The following RGS14 variants were observed in gnomAD, a reference collection of about 807,000 sequenced individuals.
The protein encoded by RGS14 is regulator of G-protein signaling 14.
RGS14 carries 33 observed loss-of-function variants against 63.8 expected under a neutral mutation model. The observed-to-expected ratio is 0.52, with a 90% CI of 0.39 to 0.69. The LOEUF (loss-of-function observed/expected upper bound fraction) is 0.69. Among genes scored for constraint, RGS14 ranks in the 30% least tolerant of loss-of-function variants. The pLI is 0.00. For missense variants in RGS14, 739 were observed against 742.9 expected (o/e 0.99, Z 0.06); for synonymous variants, 296 against 320.9 (o/e 0.92, Z 0.83).
intron 1 of RGS14, among the ~76,000 whole-genome samples, chr5:177,361,789 A>G (rs1761970978): frequency 6.6e-6 from 1 of 152,244 alleles, no homozygotes; most frequent in East Asian, 1.9e-4. Context: ...CCAAATTCCT[A>G]AGAAAAAAAT....
At chr5:177,363,005 A>G (rs1189465498) in intron 1 of RGS14, among the ~76,000 whole-genome samples, 1 of 151,822 alleles carries the variant, frequency 6.6e-6, no homozygotes, top group African/African-American at 2.4e-5. Flanking sequence ...CAAGCAGCCC[A>G]GCGGAGGGGG....
Position 177,371,038 on chromosome 5 carries a change from T to G in RGS14, c.1254+7T>G, listed in dbSNP as rs1762231770. ...AGAGGTGGTGCTGCACCGGGTGAGC[T>G]TCCGGGCCGCGGGGCGGGGCGGGGC... On this transcript the variant is annotated splice_region_variant and intron_variant, in intron 11 of 14. Coordinates refer to ENST00000408923, the MANE Select transcript of RGS14 (RefSeq NM_006480.5). The surrounding 1 kb of genome is among the most constrained non-coding windows in gnomAD (Gnocchi z 6.1). The G allele has an allele frequency of 2.8e-6, 4 of 1,446,708 alleles. No individual in the cohort carries two copies. Among genetic ancestry groups the G allele is most frequent in the African/African-American group, 4.2e-5 (2 of 47,508 alleles). The allele number at this position is 1,446,708 out of a possible 1,614,324, so 89.6% of individuals were successfully genotyped here. A position where few individuals can be genotyped will look rare whatever the true frequency, so the allele number is the denominator to read the frequency against.
intron 9 of RGS14, 26 bp downstream of exon 9, chr5:177,368,946 C>G (rs1465463338): frequency 2.5e-6 from 4 of 1,604,334 alleles, no homozygotes; most frequent in Non-Finnish European, 2.6e-6. Context: ...GGCTCCAACT[C>G]TAACCTCCTT....
In RGS14 at chr5:177,367,882, G is replaced by C; in HGVS notation, c.739+57G>C. Reference sequence around the variant, plus strand: ...GGAAGGCGGGAGTTTGGTTAAATTTGGGGAGTGCCCCCTTCCTCCTACGTG... The same window carrying C: ...GGAAGGCGGGAGTTTGGTTAAATTTCGGGAGTGCCCCCTTCCTCCTACGTG... On this transcript the variant is annotated intron_variant, in intron 7 of 14. Transcript: ENST00000408923. 3 of 1,488,642 alleles carry C rather than the reference G, an allele frequency of 2.0e-6. No individual in the cohort carries two copies. The South Asian group carries it at 4.1e-5, about 20-fold the overall frequency. The allele number at this position is 1,488,642 out of a possible 1,614,324, so 92.2% of individuals were successfully genotyped here. A position where few individuals can be genotyped will look rare whatever the true frequency, so the allele number is the denominator to read the frequency against.
chr5:177,366,789 G>A lies in RGS14; in HGVS notation c.328G>A (p.Asp110Asn), dbSNP rs1017968943. 6 of 1,614,092 alleles carry A rather than the reference G, an allele frequency of 3.7e-6. No individual in the cohort carries two copies. The highest frequency in any genetic ancestry group is 4.2e-6 in the Non-Finnish European group (5 of 1,179,992). Reference protein sequence around the residue: ...CERFQQIPASDTQQLAQEARN... With the variant: ...CERFQQIPASNTQQLAQEARN... Reference sequence around the variant, plus strand: ...GCGCTTCCAGCAGATCCCGGCCAGCGATACCCAGCAGGTGGGGGAAGGGGG... The same window carrying A: ...GCGCTTCCAGCAGATCCCGGCCAGCAATACCCAGCAGGTGGGGGAAGGGGG... The change falls in exon 4 of 15, where the codon GAT (aspartate) becomes AAT (asparagine). Residue 110 changes from aspartate to asparagine, a missense_variant. Transcript: ENST00000408923.
In RGS14 at chr5:177,359,766, G is replaced by C. The variant is rs1761919062; in HGVS notation, c.45+1697G>C. On this transcript the variant is annotated intron_variant, in intron 1 of 14. Coordinates refer to ENST00000408923, the MANE Select transcript of RGS14 (RefSeq NM_006480.5). This position sits in a 1 kb window ranked among gnomAD's most constrained non-coding sequence, Gnocchi z 4.4. ...TCACTGAGTAGCTTCCCGTGGCCCT[G>C]CACAGCTAGGGCAGGGAGGGCCAGA... 6.6e-6 allele frequency among the ~76,000 whole-genome samples: 1 copy of C among 152,242 alleles called. No homozygotes were observed. The highest frequency in any genetic ancestry group is 1.5e-5 in the Non-Finnish European group (1 of 68,034).
At position 177,364,490 on chromosome 5, in the gene RGS14, G is replaced by A. The variant is rs893505761; in HGVS notation, c.46-1473G>A. ...GGGGGGACTCGCCCCCCTCCGCTGG[G>A]CTGCCTGGCCCTGCCCTCCTCGCGC... On this transcript the variant is annotated intron_variant, in intron 1 of 14. Coordinates refer to ENST00000408923, the MANE Select transcript of RGS14 (RefSeq NM_006480.5). The surrounding 1 kb of genome is among the most constrained non-coding windows in gnomAD (Gnocchi z 4.6). 1.3e-5 allele frequency among the ~76,000 whole-genome samples: 2 copies of A among 152,160 alleles called. No individual in the cohort carries two copies. Among genetic ancestry groups the A allele is most frequent in the African/African-American group, 4.8e-5 (2 of 41,442 alleles).
rs1455775107 is a variant in RGS14 at position 177,366,692 on chromosome 5, C to T, written c.247-16C>T. ...TCTCTGAGTCTCTGCCTGCCTCCCC[C>T]TCCTTCCCCTCCCAGGAGTTCCTGA... On this transcript the variant is annotated splice_polypyrimidine_tract_variant and intron_variant, in intron 3 of 14. Coordinates refer to ENST00000408923, the MANE Select transcript of RGS14 (RefSeq NM_006480.5). 6.2e-7 allele frequency: 1 copy of T among 1,613,190 alleles called. No individual in the cohort carries two copies. Among genetic ancestry groups the T allele is most frequent in the East Asian group, 2.2e-5 (1 of 44,884 alleles).
In RGS14 at chr5:177,366,902, G is replaced by A. The variant is rs1762108435; in HGVS notation, c.351G>A (p.Glu117=). ...PASDTQQLAQ[E]ARNIYQEFLS... ...CCCTCCTCCTTCAGCTAGCTCAGGA[G>A]GCCCGCAACATCTACCAGGAGTTCC... The change falls in exon 5 of 15, where the codon GAG becomes GAA. Residue 117 remains glutamate, a synonymous_variant. Coordinates refer to ENST00000408923, the MANE Select transcript of RGS14 (RefSeq NM_006480.5). 1 of 1,613,714 alleles carries A rather than the reference G, an allele frequency of 6.2e-7. No individual in the cohort carries two copies. The highest frequency in any genetic ancestry group is 1.3e-5 in the African/African-American group (1 of 75,050).
At chr5:177,360,227 G>C (rs1017413393) in intron 1 of RGS14, among the ~76,000 whole-genome samples, 2 of 151,930 alleles carry the variant, frequency 1.3e-5, no homozygotes, top group Non-Finnish European at 2.9e-5. Flanking sequence ...AGACACTCCC[G>C]ACCCAGGCCC....
intron 1 of RGS14, among the ~76,000 whole-genome samples, chr5:177,360,522 C>G (rs1761938412): frequency 7.3e-6 from 1 of 136,600 alleles, no homozygotes; most frequent in Non-Finnish European, 1.5e-5. Flanking sequence ...TGTGATCACA[C>G]TCAGACTGCA....
At chr5:177,360,861 C>T (rs1470745670) in intron 1 of RGS14, among the ~76,000 whole-genome samples, 6 of 152,152 alleles carry the variant, frequency 3.9e-5, no homozygotes, top group Admixed American at 6.5e-5. Flanking sequence ...TGCAGTGAGC[C>T]GAGTTCGTGC....
Position 177,372,040 on chromosome 5 carries a change from G to A in RGS14, c.1666G>A (p.Gly556Arg). The A allele has an allele frequency of 1.2e-6, 2 of 1,614,050 alleles. No homozygotes were observed. The highest frequency in any genetic ancestry group is 1.7e-6 in the Non-Finnish European group (2 of 1,180,004). ...QTKSAAQPIG[G>R]SLNSTTDSAL ...CAAATCAGCAGCCCAGCCCATCGGG[G>A]GATCCTTGAACTCCACCACCGACTC... The change falls in exon 15 of 15, where the codon GGA becomes AGA. Residue 556 changes from glycine to arginine, a missense_variant. Physicochemically the swap from Gly to Arg is moderately radical, Grantham distance 125. Coordinates refer to ENST00000408923, the MANE Select transcript of RGS14 (RefSeq NM_006480.5).
chr5:177,361,806 G>A (rs72813195), intron 1 of RGS14, among the ~76,000 whole-genome samples: 3 of 152,164 alleles, frequency 2.0e-5, no homozygotes, highest in South Asian at 2.1e-4. Context: ...AAATATGACC[G>A]GCCGAGGTCC....
chr5:177,370,961 G>A lies in RGS14; in HGVS notation c.1184G>A (p.Arg395Gln). 2 of 1,608,002 alleles carry A rather than the reference G, an allele frequency of 1.2e-6. No individual in the cohort carries two copies. Among genetic ancestry groups the A allele is most frequent in the South Asian group, 1.1e-5 (1 of 91,006 alleles). The change falls in exon 11 of 15, where the codon CGG (arginine) becomes CAG (glutamine). Residue 395 changes from arginine to glutamine, a missense_variant. By Grantham distance (43) the Arg-to-Gln change is conservative. Transcript: ENST00000408923. Reference sequence around the variant, plus strand: ...CGAATCTCAGCCAAGCCCACCAAGCGGCTGCAGGAGGCGCTGCAGCCCATT... The same window carrying A: ...CGAATCTCAGCCAAGCCCACCAAGCAGCTGCAGGAGGCGCTGCAGCCCATT... ...VVRISAKPTK[R>Q]LQEALQPILE...
chr5:177,369,093 T>A (rs991229159), intron 9 of RGS14, 173 bp downstream of exon 9: 5 of 646,728 alleles, frequency 7.7e-6, no homozygotes, highest in Non-Finnish European at 1.4e-5. Context: ...CCCCACCTCA[T>A]GTCCTTCCAG....
chr5:177,371,686 C>T lies in RGS14; in HGVS notation c.1498+97C>T. On this transcript the variant is annotated intron_variant, in intron 14 of 14. Coordinates refer to ENST00000408923, the MANE Select transcript of RGS14 (RefSeq NM_006480.5). The surrounding 1 kb of genome is among the most constrained non-coding windows in gnomAD (Gnocchi z 6.1). Reference sequence around the variant, plus strand: ...GAGAGCCTTGAGCTAAGGCAGGGGGCTGGGTGCCACTGGGCGTGGAACAGG... The same window carrying T: ...GAGAGCCTTGAGCTAAGGCAGGGGGTTGGGTGCCACTGGGCGTGGAACAGG... 1 of 1,213,038 alleles carries T rather than the reference C, an allele frequency of 8.2e-7. No homozygotes were observed. Among genetic ancestry groups the T allele is most frequent in the Non-Finnish European group, 1.2e-6 (1 of 857,002 alleles). 75.1% of individuals were successfully genotyped at this position (1,213,038 alleles called of 1,614,324 possible).
Position 177,371,755 on chromosome 5 carries a change from G to T in RGS14, c.1499-118G>T. 2 of 1,258,816 alleles carry T rather than the reference G, an allele frequency of 1.6e-6. No individual in the cohort carries two copies. Among genetic ancestry groups the T allele is most frequent in the Admixed American group, 2.1e-5 (1 of 48,698 alleles). The allele number at this position is 1,258,816 out of a possible 1,614,324, so 78.0% of individuals were successfully genotyped here. On this transcript the variant is annotated intron_variant, in intron 14 of 14. Coordinates refer to ENST00000408923, the MANE Select transcript of RGS14 (RefSeq NM_006480.5). This position sits in a 1 kb window ranked among gnomAD's most constrained non-coding sequence, Gnocchi z 6.1. ...GTCAAAGGGGCTGGAACAGGGGGCC[G>T]CAGGCCATTGGTGCTGGGGCCAGGG...
chr5:177,371,994 C>T lies in RGS14; in HGVS notation c.1620C>T (p.Ser540=), dbSNP rs778327030. The change falls in exon 15 of 15, where the codon TCC becomes TCT. Residue 540 remains serine (S), a synonymous_variant. Coordinates refer to ENST00000408923, the MANE Select transcript of RGS14 (RefSeq NM_006480.5). The surrounding 1 kb of genome is among the most constrained non-coding windows in gnomAD (Gnocchi z 6.1). ...FLQLPAQGPS[S]EETPPQTKSA... ...AGCTGCCCGCCCAAGGGCCCAGCTC[C>T]GAGGAGACCCCACCACAGACCAAAT... The T allele has an allele frequency of 1.2e-5, 20 of 1,614,022 alleles. No individual in the cohort carries two copies. Among genetic ancestry groups the T allele is most frequent in the East Asian group, 2.2e-5 (1 of 44,884 alleles).
Sources: gnomAD v4.1 joint callset for allele counts (sites outside exome capture counted in the v4.1 genomes callset) on GRCh38, gnomAD v4.1.1 for gene constraint, Gnocchi (gnomAD v3.1) non-coding constraint, MANE v1.5 for transcripts, NCBI Gene and HGNC (gene_info 2026-07-23, HGNC 2026-07-21) for gene names.